CD47: variants seen among roughly 807,000 people sequenced by gnomAD.
CD47 encodes the protein leukocyte surface antigen CD47.
CD47 carries 11 observed loss-of-function variants against 44.6 expected under a neutral mutation model. That is an observed-to-expected ratio of 0.25 (90% confidence interval 0.16 to 0.41). The LOEUF (loss-of-function observed/expected upper bound fraction) is 0.41. Ranked by LOEUF, CD47 falls within the 10% of genes least tolerant of loss-of-function variation. CD47 has a pLI of 1.00. For missense variants in CD47, 306 were observed against 386.7 expected, an observed-to-expected ratio of 0.79 and a Z score of 1.75; for synonymous variants, 140 against 136.3, an observed-to-expected ratio of 1.03 and a Z score of -0.19.
At chr3:108,082,505 G>T (rs142856675) in intron 1 of CD47, among the ~76,000 whole-genome samples, 11 of 151,964 alleles carry the variant, frequency 7.2e-5, no homozygotes, top group African/African-American at 1.9e-4. Flanking sequence ...AAAGGGTTTT[G>T]CCTTCTTGCT....
At chr3:108,085,153 T>G (rs2079494647) in intron 1 of CD47, among the ~76,000 whole-genome samples, 1 of 152,034 alleles carries the variant, frequency 6.6e-6, no homozygotes. Context: ...TTATTGCAAT[T>G]CCATGACTAT....
At chr3:108,070,132 C>G (rs2079174242) in intron 3 of CD47, among the ~76,000 whole-genome samples, 1 of 152,076 alleles carries the variant, frequency 6.6e-6, no homozygotes, top group Admixed American at 6.6e-5. Context: ...TTATACACCA[C>G]CATAGATATA....
intron 1 of CD47, among the ~76,000 whole-genome samples, chr3:108,084,420 G>A (rs957871842): frequency 6.6e-6 from 1 of 151,920 alleles, no homozygotes; most frequent in African/African-American, 2.4e-5. Context: ...TTTCTTTGTT[G>A]AAATCTATTC....
At chr3:108,049,695 C>T in intron 9 of CD47, 44 bp from the exon 10 acceptor site, 1 of 1,459,684 alleles carries the variant, frequency 6.9e-7, no homozygotes. Context: ...TGAGGTTCCA[C>T]AATTGGAAAT....
chr3:108,055,305 C>A (rs756477400), intron 7 of CD47, among the ~76,000 whole-genome samples: 16 of 152,220 alleles, frequency 1.1e-4, no homozygotes, highest in Middle Eastern at 3.4e-3. Context: ...GCATTTAAAT[C>A]AAAACACAAT....
At chr3:108,065,811 C>CAAAAAAAAAAAAA (rs58021560) in intron 3 of CD47, among the ~76,000 whole-genome samples, 4 of 61,168 alleles carry the variant, frequency 6.5e-5, no homozygotes, top group East Asian at 4.3e-4. Flanking sequence ...GACTCCGTCT[C>CAAAAAAAAAAAAA]AAAAAAAAAA....
Position 108,080,102 on chromosome 3 carries a change from A to T in CD47, c.289T>A (p.Ser97Thr), listed in dbSNP as rs1188858305. 6.2e-7 allele frequency: 1 copy of T among 1,613,050 alleles called. No individual in the cohort carries two copies. Among genetic ancestry groups the T allele is most frequent in the East Asian group, 2.2e-5 (1 of 44,856 alleles). Residue 97 changes from serine to threonine, a missense_variant, in exon 2 of 11, where the codon TCT (serine) becomes ACT (threonine). By Grantham distance (58) the Ser-to-Thr change is moderately conservative. Transcript: ENST00000361309. ...GCATCACTCTTATCCATCTTCAAAG[A>T]GGCATCTCCTTTTAGTAATTGTGAG... is the stretch of plus-strand genomic sequence containing the variant. ...EVSQLLKGDA[S>T]LKMDKSDAVS... is the part of the protein sequence containing the mutation.
chr3:108,072,505 T>G (rs373127004), intron 2 of CD47, among the ~76,000 whole-genome samples: 4 of 152,228 alleles, frequency 2.6e-5, no homozygotes. Flanking sequence ...TAGTAGAGAC[T>G]CCATATGTTT....
chr3:108,051,998 A>C (rs2078837303), intron 7 of CD47, 28 bp from the exon 8 acceptor site: 2 of 1,067,970 alleles, frequency 1.9e-6, no homozygotes, highest in Non-Finnish European at 1.4e-6. Context: ...TAAGAATATA[A>C]ATTTAATAAA....
intron 8 of CD47, 48 bp from the exon 9 acceptor site, chr3:108,050,650 T>C (rs754031053): frequency 1.5e-6 from 1 of 672,150 alleles, no homozygotes; most frequent in Admixed American, 2.9e-5. Context: ...ATTTATGTCA[T>C]GTCATTTTAT....
rs188707070 is a variant in CD47 at position 108,059,666 on chromosome 3, C to T, written c.599-122G>A. On this transcript the variant is annotated intron_variant, in intron 4 of 10. Coordinates refer to ENST00000361309, the MANE Select transcript of CD47 (RefSeq NM_001777.4). ...TATACGTTTCCCTGAAAACCTCACA[C>T]AAAATTAGTGACTATTTTTTGATTA... The T allele has an allele frequency of 5.7e-4, 262 of 455,818 alleles. 1 individual carries two copies. The highest frequency in any genetic ancestry group is 5.1e-3 in the African/African-American group (252 of 48,944). The allele number at this position is 455,818 out of a possible 1,614,324, so 28.2% of individuals were successfully genotyped here. A position where few individuals can be genotyped will look rare whatever the true frequency, so the allele number is the denominator to read the frequency against.
At chr3:108,053,673 C>A (rs1391449664) in intron 7 of CD47, 1 of 152,262 alleles carries the variant, frequency 6.6e-6, no homozygotes, top group Non-Finnish European at 1.5e-5. Context: ...AGACTACATA[C>A]TGTCCCACCC....
chr3:108,077,591 C>T (rs568547577), intron 2 of CD47, among the ~76,000 whole-genome samples: 3 of 152,170 alleles, frequency 2.0e-5, no homozygotes, highest in African/African-American at 4.8e-5. Flanking sequence ...AGAACCTGTA[C>T]ACAATTGTTC....
chr3:108,061,650 C>A (rs1020208728), intron 3 of CD47, among the ~76,000 whole-genome samples: 2 of 152,260 alleles, frequency 1.3e-5, no homozygotes, highest in South Asian at 4.1e-4. Context: ...GGTCAATCTG[C>A]GAATATTAGT....
chr3:108,062,169 A>T (rs907993345), intron 3 of CD47, among the ~76,000 whole-genome samples: 1 of 152,100 alleles, frequency 6.6e-6, no homozygotes, highest in Non-Finnish European at 1.5e-5. Flanking sequence ...ATCAGAAAAC[A>T]TCCTATGGCA....
intron 3 of CD47, among the ~76,000 whole-genome samples, chr3:108,063,340 T>TG (rs2079052239): frequency 6.6e-6 from 1 of 152,218 alleles, no homozygotes; most frequent in Non-Finnish European, 1.5e-5. Flanking sequence ...CCTGTCTCTG[T>TG]GGGGTCTACT....
At chr3:108,075,198 T>C (rs554991347) in intron 2 of CD47, among the ~76,000 whole-genome samples, 2 of 152,194 alleles carry the variant, frequency 1.3e-5, no homozygotes, top group African/African-American at 4.8e-5. Context: ...CTCCAATTCC[T>C]GGACAGGCAG....
At chr3:108,071,246 G>A (rs1483207052) in intron 2 of CD47, 64 bp from the exon 3 acceptor site, 3 of 733,572 alleles carry the variant, frequency 4.1e-6, no homozygotes, top group Middle Eastern at 3.7e-4. Context: ...TTCTGCTAAT[G>A]GTCTATAATA....
In CD47 at chr3:108,080,051, A is replaced by T; in HGVS notation, c.340T>A (p.Cys114Ser). ...DAVSHTGNYTCEVTELTREGE... is the reference protein window; with the variant it reads ...DAVSHTGNYTSEVTELTREGE... ...TCTCTGGTTAATTCTGTTACTTCAC[A>T]AGTGTAGTTTCCTGTGTGTGAGACA... The change falls in exon 2 of 11, where the codon TGT (cysteine) becomes AGT (serine). Residue 114 changes from cysteine (C) to serine (S), a missense_variant. Coordinates refer to ENST00000361309, the MANE Select transcript of CD47 (RefSeq NM_001777.4). 1 of 1,612,880 alleles carries T rather than the reference A, an allele frequency of 6.2e-7. No individual in the cohort carries two copies.
Sources: gnomAD v4.1 joint callset for allele counts (sites outside exome capture counted in the v4.1 genomes callset) on GRCh38, gnomAD v4.1.1 for gene constraint, MANE v1.5 for transcripts, NCBI Gene and HGNC (gene_info 2026-07-23, HGNC 2026-07-21) for gene names.